Variants in MRTFB observed in about 807,000 individuals in gnomAD.
MRTFB encodes the protein myocardin related transcription factor B.
Under a neutral mutation model 104.2 loss-of-function variants are expected in MRTFB, and 29 were observed. That is an observed-to-expected ratio of 0.28 (90% CI 0.21 to 0.38). The LOEUF (loss-of-function observed/expected upper bound fraction) is 0.38, where lower values mean the gene tolerates loss of function less well. Among genes scored for constraint, MRTFB ranks in the 10% least tolerant of loss-of-function variants. The pLI, the probability that MRTFB is intolerant of heterozygous loss-of-function variation, is 1.00. For synonymous variants in MRTFB, 535 were observed against 519.5 expected (o/e 1.03, Z -0.41); for missense variants, 1,270 against 1,341.6 (o/e 0.95, Z 0.83).
At chr16:14,194,573 A>G (rs1411053611) in intron 3 of MRTFB, among the ~76,000 whole-genome samples, 1 of 152,196 alleles carries the variant, frequency 6.6e-6, no homozygotes, top group African/African-American at 2.4e-5. Context: ...AACTTTTTCT[A>G]GTGGTATTTT....
chr16:14,221,592 C>A (rs554692244), intron 8 of MRTFB, among the ~76,000 whole-genome samples: 1 of 152,214 alleles, frequency 6.6e-6, no homozygotes, highest in Admixed American at 6.5e-5. Flanking sequence ...CTAAAATGTG[C>A]TTGTAAAGCA....
intron 11 of MRTFB, among the ~76,000 whole-genome samples, chr16:14,245,962 A>G (rs1183010752): frequency 6.6e-6 from 1 of 152,156 alleles, no homozygotes; most frequent in African/African-American, 2.4e-5. Context: ...AGGAAAATGT[A>G]ACAGTTAAGA....
In MRTFB at chr16:14,265,581, T is replaced by G. The variant is rs375489508; in HGVS notation, c.*4137T>G. On this transcript the variant is annotated 3_prime_UTR_variant, in exon 17 of 17. Transcript: ENST00000571589. ...AGTCTCTCTGAGCTACATTTTTATT[T>G]GTAAAGTGACTCTGTCTGCATGGCA... 182 of 152,374 alleles carry G rather than the reference T, an allele frequency of 1.2e-3. No homozygotes were observed. Among genetic ancestry groups the G allele is most frequent in the African/African-American group, 4.1e-3 (170 of 41,586 alleles). 9.4% of individuals were successfully genotyped at this position (152,374 alleles called of 1,614,324 possible). A position where few individuals can be genotyped will look rare whatever the true frequency, so the allele number is the denominator to read the frequency against.
the MRTFB span, among the ~76,000 whole-genome samples, chr16:14,034,820 T>A: frequency 6.6e-6 from 1 of 152,138 alleles, no homozygotes; most frequent in South Asian, 2.1e-4. Flanking sequence ...GAGTAAGGAC[T>A]TCACCATCTC....
At chr16:13,995,700 C>A in the MRTFB span, among the ~76,000 whole-genome samples, 2 of 152,116 alleles carry the variant, frequency 1.3e-5, no homozygotes, top group Non-Finnish European at 1.5e-5. Flanking sequence ...ACAATCACAG[C>A]AGAAGGTGAA....
chr16:14,216,501 T>C (rs1372417117), intron 6 of MRTFB, among the ~76,000 whole-genome samples: 2 of 152,298 alleles, frequency 1.3e-5, no homozygotes, highest in South Asian at 4.1e-4. Context: ...TTTTATGCAT[T>C]TGTAAGTAGA....
intron 8 of MRTFB, among the ~76,000 whole-genome samples, chr16:14,232,381 C>G (rs2042304589): frequency 1.3e-5 from 2 of 152,172 alleles, no homozygotes; most frequent in African/African-American, 2.4e-5. Flanking sequence ...AAGTGATCAG[C>G]TAACATCTTC....
chr16:14,120,803 T>C (rs1596944324), intron 2 of MRTFB, among the ~76,000 whole-genome samples: 1 of 152,188 alleles, frequency 6.6e-6, no homozygotes, highest in South Asian at 2.1e-4. Context: ...GGAAAGTAGG[T>C]GGACTTGATT....
intron 8 of MRTFB, among the ~76,000 whole-genome samples, chr16:14,224,622 T>G (rs1042400469): frequency 6.6e-6 from 1 of 152,090 alleles, no homozygotes; most frequent in Non-Finnish European, 1.5e-5. Flanking sequence ...GAATCCTCAA[T>G]AAGACTATCA....
chr16:14,106,661 A>G (rs761250561), intron 2 of MRTFB, among the ~76,000 whole-genome samples: 16 of 152,208 alleles, frequency 1.1e-4, no homozygotes, highest in Non-Finnish European at 1.8e-4. Flanking sequence ...GGCAGTAACA[A>G]TATTATCTTC....
At chr16:14,072,396 A>G (rs2033762982) in intron 1 of MRTFB, among the ~76,000 whole-genome samples, 1 of 152,196 alleles carries the variant, frequency 6.6e-6, no homozygotes, top group Non-Finnish European at 1.5e-5. Flanking sequence ...TTGTGCTGGA[A>G]GACAGTATAT....
chr16:14,116,587 G>C (rs578147107), intron 2 of MRTFB, among the ~76,000 whole-genome samples: 1 of 151,646 alleles, frequency 6.6e-6, no homozygotes, highest in Non-Finnish European at 1.5e-5. Flanking sequence ...GCTTCTAGAC[G>C]TGGTTCTAAA....
At chr16:14,069,526 T>C (rs2033574197), upstream of MRTFB, among the ~76,000 whole-genome samples, 1 of 152,202 alleles carries the variant, frequency 6.6e-6, no homozygotes, top group South Asian at 2.1e-4. Flanking sequence ...CACTCTGTTG[T>C]CCAGACTGGA....
chr16:13,997,955 T>C, the MRTFB span, among the ~76,000 whole-genome samples: 1 of 152,068 alleles, frequency 6.6e-6, no homozygotes, highest in African/African-American at 2.4e-5. Flanking sequence ...ACTCAAACCA[T>C]CAACAAACAC....
At position 14,113,129 on chromosome 16, in the gene MRTFB, C is replaced by T. The variant is rs368137353; in HGVS notation, c.-63-27415C>T. On this transcript the variant is annotated intron_variant, in intron 2 of 16. Transcript: ENST00000571589. ...CGTGATCTCGGCTCACTGCAACCACCGCCTCCCAGGTTCAAGCCATTCTCT... is the reference window on the plus strand; with the variant it reads ...CGTGATCTCGGCTCACTGCAACCACTGCCTCCCAGGTTCAAGCCATTCTCT... Among the ~76,000 whole-genome samples the T allele has an allele frequency of 1.2e-4, 18 of 152,232 alleles. No homozygotes were observed. The South Asian group carries it at 2.1e-3, about 18-fold the overall frequency.
chr16:14,173,345 A>G (rs1022061811), intron 3 of MRTFB, among the ~76,000 whole-genome samples: 7 of 152,210 alleles, frequency 4.6e-5, no homozygotes, highest in African/African-American at 1.7e-4. Context: ...ATCCAAGACC[A>G]AGGACTGTCT....
intron 2 of MRTFB, among the ~76,000 whole-genome samples, chr16:14,130,660 T>G (rs1332812442): frequency 6.6e-6 from 1 of 152,214 alleles, no homozygotes. Flanking sequence ...TAGGTGTACA[T>G]TTAATCTTTA....
At chr16:14,101,718 A>G (rs990022515) in intron 2 of MRTFB, among the ~76,000 whole-genome samples, 1 of 152,216 alleles carries the variant, frequency 6.6e-6, no homozygotes, top group Non-Finnish European at 1.5e-5. Flanking sequence ...TGAGATTATT[A>G]TAAAGATCTA....
intron 2 of MRTFB, among the ~76,000 whole-genome samples, chr16:14,132,425 A>G (rs540354781): frequency 1.1e-4 from 17 of 152,322 alleles, no homozygotes; most frequent in African/African-American, 3.8e-4. Flanking sequence ...TAAGAACCCA[A>G]AAGTATTTTG....
Sources: allele counts gnomAD v4.1 joint callset (sites outside exome capture counted in the v4.1 genomes callset), GRCh38; gene constraint gnomAD v4.1.1; transcripts MANE v1.5; gene names NCBI Gene and HGNC (gene_info 2026-07-23, HGNC 2026-07-21).